Variants in MICALL2 observed in about 807,000 individuals in gnomAD.
The protein encoded by MICALL2 is MICAL like 2, also known as MICAL-like protein 2.
A neutral mutation model predicts 91.1 loss-of-function variants in MICALL2; 111 were observed. The ratio of observed to expected loss-of-function variants is 1.22; its 90% confidence interval spans 1.04 to 1.43. The LOEUF (loss-of-function observed/expected upper bound fraction) is 1.43. MICALL2 is among the 40% of genes most tolerant of loss of function. The pLI is 0.00. For synonymous variants in MICALL2, 694 were observed against 525.3 expected (o/e 1.32, Z -4.39); for missense variants, 1,556 against 1,236.0 (o/e 1.26, Z -3.88).
At chr7:1,441,788 G>T (rs117061107) in intron 7 of MICALL2, 23 of 243,504 alleles carry the variant, frequency 9.4e-5, no homozygotes, top group African/African-American at 4.8e-4. Context: ...CAGCAACAGC[G>T]CGACGTTGTC....
rs778243037 is a variant in MICALL2, at chr7:1,442,227, G to A, written c.1676C>T (p.Pro559Leu). 3.5e-5 allele frequency: 57 copies of A among 1,612,632 alleles called. No individual in the cohort carries two copies. Among genetic ancestry groups the A allele is most frequent in the East Asian group, 6.7e-5 (3 of 44,892 alleles). ...GAGSRPKPEA[P>L]MAKGKSTTLT... ...GGTGGTGCTTTTACCCTTTGCCATC[G>A]GGGCCTCTGGCTTCGGCCTGGAGCC... The change falls in exon 7 of 17, where the codon CCG becomes CTG. Residue 559 changes from proline to leucine, a missense_variant. Pro to Leu is a moderately conservative substitution (Grantham distance 98). Transcript: ENST00000297508.
chr7:1,452,217 G>A lies in MICALL2; in HGVS notation c.144-1929C>T, dbSNP rs1780860585. Among the ~76,000 whole-genome samples, 1 of 152,210 alleles carries A rather than the reference G, an allele frequency of 6.6e-6. No homozygotes were observed. The highest frequency in any genetic ancestry group is 2.4e-5 in the African/African-American group (1 of 41,446). On this transcript the variant is annotated intron_variant, in intron 1 of 16. Coordinates refer to ENST00000297508, the MANE Select transcript of MICALL2 (RefSeq NM_182924.4). This position sits in a 1 kb window ranked among gnomAD's most constrained non-coding sequence, Gnocchi z 6.2. ...GCGCGGACTCCTCTCCGTGTGGACA[G>A]ATGACGAGGAGCCCCCTCCCTGGGC...
chr7:1,453,937 G>A (rs376839320), intron 1 of MICALL2, among the ~76,000 whole-genome samples: 1 of 152,014 alleles, frequency 6.6e-6, no homozygotes, highest in Non-Finnish European at 1.5e-5. Context: ...TCTGTGTGTC[G>A]GTCACAAGAT....
rs1247199372 is a variant in MICALL2 at position 1,445,040 on chromosome 7, A to G, written c.1030T>C (p.Ser344Pro). ...GCAGCTGACGACCAGCCCATCGGGG[A>G]GCTATTGGTCACACGAGGGCGGACT... Reference protein sequence around the residue: ...GKVRPRVTNSSPMGWSSAAPC... With the variant: ...GKVRPRVTNSPPMGWSSAAPC... The change falls in exon 6 of 17, where the codon TCC becomes CCC. Residue 344 changes from serine to proline, a missense_variant. Transcript: ENST00000297508. The G allele has an allele frequency of 6.5e-7, 1 of 1,537,016 alleles. No individual in the cohort carries two copies.
In MICALL2 at chr7:1,442,425, G is replaced by C; in HGVS notation, c.1478C>G (p.Ala493Gly). 1 of 1,568,476 alleles carries C rather than the reference G, an allele frequency of 6.4e-7. No homozygotes were observed. The highest frequency in any genetic ancestry group is 8.7e-7 in the Non-Finnish European group (1 of 1,155,834). The change falls in exon 7 of 17, where the codon GCA (alanine) becomes GGA (glycine). Residue 493 changes from alanine (A) to glycine (G), a missense_variant. By Grantham distance (60) the Ala-to-Gly change is moderately conservative. Coordinates refer to ENST00000297508, the MANE Select transcript of MICALL2 (RefSeq NM_182924.4). ...CTGTAACGGCTTGGCTAAGGGACTT[G>C]CTTGTGGTGCTTCAGTTTTGGGCTG... ...SSQPKTEAPQ[A>G]SPLAKPLQSS...
Position 1,438,838 on chromosome 7 carries a change from AC to A in MICALL2, c.2122+1del. 1 of 1,600,340 alleles carries A rather than the reference AC, an allele frequency of 6.2e-7. No individual in the cohort carries two copies. The highest frequency in any genetic ancestry group is 8.5e-7 in the Non-Finnish European group (1 of 1,171,520). On this transcript the variant is annotated splice_donor_variant, in intron 10 of 16. Transcript: ENST00000297508. LOFTEE classifies it high-confidence loss of function. Reference sequence around the variant, plus strand: ...AACAGCAGCGGTGTCTCTGGGGCTGACCTGGTTTGCCCTGAAGGTGAGGTTT... The same window carrying A: ...AACAGCAGCGGTGTCTCTGGGGCTGACTGGTTTGCCCTGAAGGTGAGGTTT...
chr7:1,438,622 C>G (rs952172187), intron 10 of MICALL2: 2 of 1,420,478 alleles, frequency 1.4e-6, no homozygotes, highest in African/African-American at 1.4e-5. Flanking sequence ...AGCAGACATT[C>G]CATCATCACC....
chr7:1,439,574 AAC>A (rs1187051736), intron 9 of MICALL2: 8 of 244,426 alleles, frequency 3.3e-5, no homozygotes, highest in East Asian at 8.0e-5. Flanking sequence ...CACACGCATG[AAC>A]ACTGATGTAC....
In MICALL2 at chr7:1,445,441, A is replaced by AGGCACAGGAGCCCCAGCTC. The variant is rs1357419828; in HGVS notation, c.642-32_642-14dup. 12 of 1,508,790 alleles carry AGGCACAGGAGCCCCAGCTC rather than the reference A, an allele frequency of 8.0e-6. No homozygotes were observed. Among genetic ancestry groups the AGGCACAGGAGCCCCAGCTC allele is most frequent in the South Asian group, 6.2e-5 (5 of 80,906 alleles). The allele number at this position is 1,508,790 out of a possible 1,614,324, so 93.5% of individuals were successfully genotyped here. A position where few individuals can be genotyped will look rare whatever the true frequency, so the allele number is the denominator to read the frequency against. On this transcript the variant is annotated splice_polypyrimidine_tract_variant and intron_variant, in intron 5 of 16. Transcript: ENST00000297508. Reference sequence around the variant, plus strand: ...GCACTGCTTACACCTGGGGGAGGAAAGGCACAGGAGCCCCAGCTCGGCACC... The same window carrying AGGCACAGGAGCCCCAGCTC: ...GCACTGCTTACACCTGGGGGAGGAAAGGCACAGGAGCCCCAGCTCGGCACAGGAGCCCCAGCTCGGCACC...
At position 1,436,844 on chromosome 7, in the gene MICALL2, G is replaced by A. The variant is rs954667563; in HGVS notation, c.2489C>T (p.Ser830Leu). 3.1e-6 allele frequency: 5 copies of A among 1,598,404 alleles called. No individual in the cohort carries two copies. The African/African-American group carries it at 4.0e-5, about 13-fold the overall frequency. ...RLMAKPEALKSLQERRREQEL... is the reference protein window; with the variant it reads ...RLMAKPEALKLLQERRREQEL... Reference sequence around the variant, plus strand: ...CTGCTCCCGCCGCCGCTCCTGCAGTGACTTCAGAGCCTCTGTGGGGATGGC... The same window carrying A: ...CTGCTCCCGCCGCCGCTCCTGCAGTAACTTCAGAGCCTCTGTGGGGATGGC... The change falls in exon 15 of 17, where the codon TCA becomes TTA. Residue 830 changes from serine (S) to leucine (L), a missense_variant. Ser to Leu is a moderately radical substitution (Grantham distance 145, BLOSUM62 -2). Coordinates refer to ENST00000297508, the MANE Select transcript of MICALL2 (RefSeq NM_182924.4).
chr7:1,447,708 C>T lies in MICALL2; in HGVS notation c.392G>A (p.Gly131Glu), dbSNP rs1200125813. ...ASEDSEEEPSGKKAPVQAAKL... is the reference protein window; with the variant it reads ...ASEDSEEEPSEKKAPVQAAKL... Reference sequence around the variant, plus strand: ...GGCCGCCTGGACTGGAGCCTTCTTCCCTGACGGCTCCTCCTCAGAGTCCTC... The same window carrying T: ...GGCCGCCTGGACTGGAGCCTTCTTCTCTGACGGCTCCTCCTCAGAGTCCTC... The change falls in exon 4 of 17, where the codon GGG (glycine) becomes GAG (glutamate). Residue 131 changes from glycine to glutamate, a missense_variant. By Grantham distance (98) the Gly-to-Glu change is moderately conservative. Coordinates refer to ENST00000297508, the MANE Select transcript of MICALL2 (RefSeq NM_182924.4). The T allele has an allele frequency of 1.9e-5, 30 of 1,576,636 alleles. No homozygotes were observed. Among genetic ancestry groups the T allele is most frequent in the South Asian group, 9.3e-5 (8 of 86,014 alleles).
At position 1,436,779 on chromosome 7, in the gene MICALL2, T is replaced by G; in HGVS notation, c.2554A>C (p.Ser852Arg). 6.2e-7 allele frequency: 1 copy of G among 1,608,934 alleles called. No individual in the cohort carries two copies. The highest frequency in any genetic ancestry group is 8.5e-7 in the Non-Finnish European group (1 of 1,178,646). The change falls in exon 15 of 17, where the codon AGT becomes CGT. Residue 852 changes from serine (S) to arginine (R), a missense_variant. Transcript: ENST00000297508. Reference protein sequence around the residue: ...EQYVSTVNDRSDIVDSLDEDR... With the variant: ...EQYVSTVNDRRDIVDSLDEDR... ...TCGTCCAGCGAGTCCACGATGTCAC[T>G]GCGGTCGTTCACGGTGCTCACGTAC...
chr7:1,435,678 C>T (rs971439785), intron 15 of MICALL2, among the ~76,000 whole-genome samples: 7 of 152,232 alleles, frequency 4.6e-5, no homozygotes, highest in South Asian at 2.1e-4. Context: ...CCTCATGAGA[C>T]GAGACAGGAA....
Position 1,442,326 on chromosome 7 carries a change from G to C in MICALL2, c.1577C>G (p.Ser526Cys). Reference sequence around the variant, plus strand: ...TGCCGGGGGCAACGCGGATGCCTGAGAGGTACTGCTCGTGCTCAGCGGGGC... The same window carrying C: ...TGCCGGGGGCAACGCGGATGCCTGACAGGTACTGCTCGTGCTCAGCGGGGC... ...PPAPLSTSST[S>C]QASALPPAGR... The change falls in exon 7 of 17, where the codon TCT becomes TGT. Residue 526 changes from serine to cysteine, a missense_variant. Coordinates refer to ENST00000297508, the MANE Select transcript of MICALL2 (RefSeq NM_182924.4). The C allele has an allele frequency of 6.2e-7, 1 of 1,613,226 alleles. No homozygotes were observed.
At chr7:1,447,830 A>T in intron 3 of MICALL2, 65 bp from the exon 4 acceptor site, 1 of 1,278,476 alleles carries the variant, frequency 7.8e-7, no homozygotes, top group Non-Finnish European at 1.0e-6. Flanking sequence ...TAGTCCCTCC[A>T]GAGGTCCCAG....
rs569430889 is a variant in MICALL2 at position 1,435,104 on chromosome 7, G to A, written c.2635C>T (p.Leu879=). Residue 879 remains leucine, a synonymous_variant, in exon 16 of 17, where the codon CTG becomes TTG. Transcript: ENST00000297508. ...DQMLRDMIEK[L]GLQRKKSKFR... Reference sequence around the variant, plus strand: ...TCAGCATCCCCGGCCCAGTCACCCAGCTTCTCAATCATGTCCCGCAGCATC... The same window carrying A: ...TCAGCATCCCCGGCCCAGTCACCCAACTTCTCAATCATGTCCCGCAGCATC... The A allele has an allele frequency of 6.2e-7, 1 of 1,612,968 alleles. No homozygotes were observed. The highest frequency in any genetic ancestry group is 1.7e-5 in the Admixed American group (1 of 59,940).
rs1406476785 is a variant in MICALL2, at chr7:1,438,925, C to T, written c.2037G>A (p.Trp679Ter). The T allele has an allele frequency of 1.2e-6, 2 of 1,608,162 alleles. No individual in the cohort carries two copies. Among genetic ancestry groups the T allele is most frequent in the East Asian group, 4.5e-5 (2 of 44,868 alleles). ...CCTGGCCAGGGGGCTCCGGCCGAAGCCAGTTGTCACAAACGTCGAGGCTGG... is the reference window on the plus strand; with the variant it reads ...CCTGGCCAGGGGGCTCCGGCCGAAGTCAGTTGTCACAAACGTCGAGGCTGG... ...VPASLDVCDNWLRPEPPGQEA... is the reference protein window; with the variant it reads ...VPASLDVCDN The change falls in exon 10 of 17, where the codon TGG (tryptophan) becomes TGA (stop). Residue 679 changes from tryptophan to a stop codon, truncating the protein, a stop_gained. Transcript: ENST00000297508. LOFTEE classifies it high-confidence loss of function.
At position 1,442,316 on chromosome 7, in the gene MICALL2, G is replaced by C; in HGVS notation, c.1587C>G (p.Ser529=). ...PLSTSSTSQA[S]ALPPAGRRNL... ...TCCTCCTGCCTGCCGGGGGCAACGC[G>C]GATGCCTGAGAGGTACTGCTCGTGC... The change falls in exon 7 of 17, where the codon TCC becomes TCG. Residue 529 remains serine, a synonymous_variant. Transcript: ENST00000297508. The C allele has an allele frequency of 6.2e-7, 1 of 1,613,210 alleles. No individual in the cohort carries two copies. The highest frequency in any genetic ancestry group is 8.5e-7 in the Non-Finnish European group (1 of 1,179,926).
At position 1,438,985 on chromosome 7, in the gene MICALL2, G is replaced by A; in HGVS notation, c.1977C>T (p.Pro659=). ...CCAGTCTCCTGCGGCGGGGTGGGGA[G>A]GGGGACCTGGCTGCCCCCAGGTGGG... The part of the protein sequence containing the change: ...SPGPSLPARS[P]SPPRRRRLAV... Residue 659 remains proline (P), a synonymous_variant, in exon 10 of 17, where the codon CCC becomes CCT. Transcript: ENST00000297508. The A allele has an allele frequency of 6.3e-7, 1 of 1,594,482 alleles. No homozygotes were observed. The highest frequency in any genetic ancestry group is 8.5e-7 in the Non-Finnish European group (1 of 1,176,414).
Sources: gnomAD v4.1 joint callset for allele counts (sites outside exome capture counted in the v4.1 genomes callset) on GRCh38, gnomAD v4.1.1 for gene constraint, Gnocchi (gnomAD v3.1) non-coding constraint, MANE v1.5 for transcripts, NCBI Gene and HGNC (gene_info 2026-07-23, HGNC 2026-07-21) for gene names.